Variants in ATXN1L observed in about 807,000 individuals in gnomAD.
ATXN1L encodes the protein ataxin-1-like.
A neutral mutation model predicts 43.4 loss-of-function variants in ATXN1L; 8 were observed. The ratio of observed to expected loss-of-function variants is 0.18; its 90% CI spans 0.11 to 0.33. The LOEUF is 0.33. Ranked by LOEUF, ATXN1L falls within the 10% of genes least tolerant of loss-of-function variation. The pLI is 1.00. For missense variants in ATXN1L, 856 were observed against 885.4 expected, an observed-to-expected ratio of 0.97 and a Z score of 0.42; for synonymous variants, 379 against 360.6, an observed-to-expected ratio of 1.05 and a Z score of -0.58.
At position 71,855,148 on chromosome 16, in the gene ATXN1L, T is replaced by C. The variant is rs1271403339; in HGVS notation, c.*3338T>C. 6.0e-6 allele frequency: 1 copy of C among 167,186 alleles called. No individual in the cohort carries two copies. Among genetic ancestry groups the C allele is most frequent in the Non-Finnish European group, 1.5e-5 (1 of 68,162 alleles). The allele number at this position is 167,186 out of a possible 1,614,324, so 10.4% of individuals were successfully genotyped here. ...AGATTAAGTGTAGGCGTCCGGTTCA[T>C]TCTTACCTGTGTTAGGCCATGTTAT... is the stretch of plus-strand genomic sequence containing the variant. On this transcript the variant is annotated 3_prime_UTR_variant, in exon 3 of 3. Coordinates refer to ENST00000427980, the MANE Select transcript of ATXN1L (RefSeq NM_001137675.4).
In ATXN1L at chr16:71,852,441, C is replaced by G. The variant is rs531284174; in HGVS notation, c.*631C>G. 1 of 167,380 alleles carries G rather than the reference C, an allele frequency of 6.0e-6. No homozygotes were observed. Among genetic ancestry groups the G allele is most frequent in the South Asian group, 2.1e-4 (1 of 4,834 alleles). 10.4% of individuals were successfully genotyped at this position (167,380 alleles called of 1,614,324 possible). A position where few individuals can be genotyped will look rare whatever the true frequency, so the allele number is the denominator to read the frequency against. ...CATAGCCCTTCCCCATCTCTCCTCA[C>G]CATTCTGCCTACAAGGCTTCTAGCA... On this transcript the variant is annotated 3_prime_UTR_variant, in exon 3 of 3. Coordinates refer to ENST00000427980, the MANE Select transcript of ATXN1L (RefSeq NM_001137675.4).
rs1316174659 is a variant in ATXN1L, at chr16:71,853,122, C to T, written c.*1312C>T. The T allele has an allele frequency of 1.2e-5, 2 of 167,196 alleles. No homozygotes were observed. The highest frequency in any genetic ancestry group is 4.8e-5 in the African/African-American group (2 of 41,454). 10.4% of individuals were successfully genotyped at this position (167,196 alleles called of 1,614,324 possible). The stretch of plus-strand genomic sequence containing the variant: ...TCCCAGCATTCTGGTGCCTCCAAGC[C>T]ATCCCCTCCCACCACCAGCTCTAAG... On this transcript the variant is annotated 3_prime_UTR_variant, in exon 3 of 3. Coordinates refer to ENST00000427980, the MANE Select transcript of ATXN1L (RefSeq NM_001137675.4).
Position 71,854,388 on chromosome 16 carries a change from C to T in ATXN1L, c.*2578C>T, listed in dbSNP as rs1180196946. On this transcript the variant is annotated 3_prime_UTR_variant, in exon 3 of 3. Transcript: ENST00000427980. Reference sequence around the variant, plus strand: ...GCTGTCTCTTGCTGGTGAAGCAATACCAGCAGTTCCTGTAATACCACAATA... The same window carrying T: ...GCTGTCTCTTGCTGGTGAAGCAATATCAGCAGTTCCTGTAATACCACAATA... 6.0e-6 allele frequency: 1 copy of T among 167,040 alleles called. No individual in the cohort carries two copies. The highest frequency in any genetic ancestry group is 1.5e-5 in the Non-Finnish European group (1 of 68,114). 10.3% of individuals were successfully genotyped at this position (167,040 alleles called of 1,614,324 possible).
Position 71,853,249 on chromosome 16 carries a change from AC to A in ATXN1L, c.*1446del, listed in dbSNP as rs771262065. On this transcript the variant is annotated 3_prime_UTR_variant, in exon 3 of 3. Transcript: ENST00000427980. ...TATTTTCAATCTTGGTTGCATTGGC[AC>A]CCCCCCTACCCCCCACCAATGTCTT... 7.2e-5 allele frequency: 12 copies of A among 166,346 alleles called. No individual in the cohort carries two copies. The highest frequency in any genetic ancestry group is 9.7e-5 in the African/African-American group (4 of 41,062). 10.3% of individuals were successfully genotyped at this position (166,346 alleles called of 1,614,324 possible).
At position 71,849,215 on chromosome 16, in the gene ATXN1L, T is replaced by TAAAAAA. The variant is rs377525889; in HGVS notation, c.-117-409_-117-408insAAAAAA. Among the ~76,000 whole-genome samples the TAAAAAA allele has an allele frequency of 5.3e-4, 46 of 86,038 alleles. 5 individuals are homozygous for TAAAAAA. The highest frequency in any genetic ancestry group is 1.1e-3 in the African/African-American group (25 of 22,996). 56.4% of individuals were successfully genotyped at this position (86,038 alleles called of 152,430 possible). On this transcript the variant is annotated intron_variant, in intron 2 of 2. Coordinates refer to ENST00000427980, the MANE Select transcript of ATXN1L (RefSeq NM_001137675.4). ...CAACAAGAGCAAAACTCCATGTGTT[T>TAAAAAA]TAAAAAAAAAAAAAAAAAAAAAAAA...
Position 71,851,595 on chromosome 16 carries a change from T to C in ATXN1L, c.1855T>C (p.Cys619Arg), listed in dbSNP as rs1227047358. ...GACGGTCTTGGGATCCAGAGAGCTA[T>C]GTGACAGTGAGGGGAAGAGCCAGCC... ...ERTVLGSREL[C>R]DSEGKSQPAG... The change falls in exon 3 of 3, where the codon TGT (cysteine) becomes CGT (arginine). Residue 619 changes from cysteine to arginine, a missense_variant. Transcript: ENST00000427980. The surrounding 1 kb of genome is among the most constrained non-coding windows in gnomAD (Gnocchi z 4.9). 3.9e-6 allele frequency: 6 copies of C among 1,546,142 alleles called. No individual in the cohort carries two copies. The highest frequency in any genetic ancestry group is 5.2e-6 in the Non-Finnish European group (6 of 1,143,770).
Position 71,851,592 on chromosome 16 carries a change from C to A in ATXN1L, c.1852C>A (p.Leu618Ile), listed in dbSNP as rs1359629987. ...PERTVLGSRE[L>I]CDSEGKSQPA... ...GAGGACGGTCTTGGGATCCAGAGAG[C>A]TATGTGACAGTGAGGGGAAGAGCCA... Residue 618 changes from leucine (L) to isoleucine (I), a missense_variant, in exon 3 of 3, where the codon CTA becomes ATA. Physicochemically the swap from Leu to Ile is conservative, Grantham distance 5. Coordinates refer to ENST00000427980, the MANE Select transcript of ATXN1L (RefSeq NM_001137675.4). The surrounding 1 kb of genome is among the most constrained non-coding windows in gnomAD (Gnocchi z 4.9). 6.5e-7 allele frequency: 1 copy of A among 1,548,730 alleles called. No homozygotes were observed.
chr16:71,855,299 G>C lies in ATXN1L; in HGVS notation c.*3489G>C, dbSNP rs577796257. On this transcript the variant is annotated 3_prime_UTR_variant, in exon 3 of 3. Transcript: ENST00000427980. ...CTCCAAATGTCTGACTATCTTGAGG[G>C]AGAAACAAGCAGGTTTCTACTAGTG... The C allele has an allele frequency of 6.0e-6, 1 of 167,110 alleles. No homozygotes were observed. The highest frequency in any genetic ancestry group is 2.4e-5 in the African/African-American group (1 of 41,466). The allele number at this position is 167,110 out of a possible 1,614,324, so 10.4% of individuals were successfully genotyped here. A position where few individuals can be genotyped will look rare whatever the true frequency, so the allele number is the denominator to read the frequency against.
At position 71,855,588 on chromosome 16, in the gene ATXN1L, C is replaced by A; in HGVS notation, c.*3778C>A. The A allele has an allele frequency of 6.0e-6, 1 of 167,204 alleles. No homozygotes were observed. The highest frequency in any genetic ancestry group is 1.5e-5 in the Non-Finnish European group (1 of 68,136). 10.4% of individuals were successfully genotyped at this position (167,204 alleles called of 1,614,324 possible). A position where few individuals can be genotyped will look rare whatever the true frequency, so the allele number is the denominator to read the frequency against. Reference sequence around the variant, plus strand: ...ATGGTGGTGTGGTTTAAACCTGCAGCAAGCAGGCATGTTGAAGAGTTGAGT... The same window carrying A: ...ATGGTGGTGTGGTTTAAACCTGCAGAAAGCAGGCATGTTGAAGAGTTGAGT... On this transcript the variant is annotated 3_prime_UTR_variant, in exon 3 of 3. Coordinates refer to ENST00000427980, the MANE Select transcript of ATXN1L (RefSeq NM_001137675.4).
chr16:71,850,188 G>T lies in ATXN1L; in HGVS notation c.448G>T (p.Val150Leu). Residue 150 changes from valine to leucine, a missense_variant, in exon 3 of 3, where the codon GTG becomes TTG. Val to Leu is a conservative substitution (Grantham distance 32, BLOSUM62 1). This residue lies in a region of ATXN1L where 490 missense variants were observed against 449.4 expected (regional missense o/e 1.09). Transcript: ENST00000427980. ...IGSPYSLPYA[V>L]PPNFLPSPLL... ...GTCTCCTTATAGCCTTCCCTATGCT[G>T]TGCCACCTAATTTCCTACCGAGTCC... 6.4e-7 allele frequency: 1 copy of T among 1,551,646 alleles called. No homozygotes were observed.
In ATXN1L at chr16:71,852,846, T is replaced by C. The variant is rs962928875; in HGVS notation, c.*1036T>C. 7 of 167,256 alleles carry C rather than the reference T, an allele frequency of 4.2e-5. No homozygotes were observed. The highest frequency in any genetic ancestry group is 1.7e-4 in the African/African-American group (7 of 41,456). The allele number at this position is 167,256 out of a possible 1,614,324, so 10.4% of individuals were successfully genotyped here. On this transcript the variant is annotated 3_prime_UTR_variant, in exon 3 of 3. Transcript: ENST00000427980. ...GCACTGCCTTTCCTTGTCTGCAAAG[T>C]TGGTTTTGTCCACTCTGACCAAGAC... is the stretch of plus-strand genomic sequence containing the variant.
Position 71,852,964 on chromosome 16 carries a change from C to G in ATXN1L, c.*1154C>G, listed in dbSNP as rs2033519311. The stretch of plus-strand genomic sequence containing the variant: ...CTCAAAATCATGTCCCCTCCACTTC[C>G]ACTGCCAAACAGCTTGGTGAAGAAA... On this transcript the variant is annotated 3_prime_UTR_variant, in exon 3 of 3. Coordinates refer to ENST00000427980, the MANE Select transcript of ATXN1L (RefSeq NM_001137675.4). The G allele has an allele frequency of 6.0e-6, 1 of 167,132 alleles. No individual in the cohort carries two copies. Among genetic ancestry groups the G allele is most frequent in the African/African-American group, 2.4e-5 (1 of 41,442 alleles). 10.4% of individuals were successfully genotyped at this position (167,132 alleles called of 1,614,324 possible).
Position 71,852,169 on chromosome 16 carries a change from G to C in ATXN1L, c.*359G>C, listed in dbSNP as rs2033511127. The C allele has an allele frequency of 5.0e-6, 1 of 201,002 alleles. No homozygotes were observed. The highest frequency in any genetic ancestry group is 1.1e-5 in the Non-Finnish European group (1 of 91,270). 12.5% of individuals were successfully genotyped at this position (201,002 alleles called of 1,614,324 possible). On this transcript the variant is annotated 3_prime_UTR_variant, in exon 3 of 3. Transcript: ENST00000427980. ...GCTTTGGGAGCAGATGGCAGAGGGA[G>C]GGAGTAAAGAAAGAGCCAAAAATGA...
chr16:71,849,941 A>G lies in ATXN1L; in HGVS notation c.201A>G (p.Gly67=). The G allele has an allele frequency of 6.4e-7, 1 of 1,551,284 alleles. No individual in the cohort carries two copies. The highest frequency in any genetic ancestry group is 8.7e-7 in the Non-Finnish European group (1 of 1,146,748). Residue 67 remains glycine, a synonymous_variant, in exon 3 of 3, where the codon GGA becomes GGG. Transcript: ENST00000427980. ...AGARVSLGGD[G]AEAITGLTVD... is the part of the protein sequence containing the mutation. ...CCAGAGTCAGCCTGGGGGGTGATGG[A>G]GCTGAGGCCATCACCGGTCTGACAG...
rs2033556338 is a variant in ATXN1L at position 71,856,835 on chromosome 16, G to C, written c.*5025G>C. 1 of 167,148 alleles carries C rather than the reference G, an allele frequency of 6.0e-6. No homozygotes were observed. Among genetic ancestry groups the C allele is most frequent in the Non-Finnish European group, 1.5e-5 (1 of 68,180 alleles). 10.4% of individuals were successfully genotyped at this position (167,148 alleles called of 1,614,324 possible). ...GAATGTTGTCATCCAGGTGGCTTTA[G>C]GGTCCTAAGGAGTGGAGAAGGATGG... On this transcript the variant is annotated 3_prime_UTR_variant, in exon 3 of 3. Transcript: ENST00000427980.
Position 71,851,951 on chromosome 16 carries a change from G to A in ATXN1L, c.*141G>A. 1.0e-6 allele frequency: 1 copy of A among 970,308 alleles called. No individual in the cohort carries two copies. The highest frequency in any genetic ancestry group is 1.4e-6 in the Non-Finnish European group (1 of 704,950). The allele number at this position is 970,308 out of a possible 1,614,324, so 60.1% of individuals were successfully genotyped here. ...GGGGGAAAGGGGAGGCATGAAGTCA[G>A]CCTCCCAAGGCAGGATCTGTTGTTC... On this transcript the variant is annotated 3_prime_UTR_variant, in exon 3 of 3. Coordinates refer to ENST00000427980, the MANE Select transcript of ATXN1L (RefSeq NM_001137675.4). This position sits in a 1 kb window ranked among gnomAD's most constrained non-coding sequence, Gnocchi z 4.9.
chr16:71,850,849 C>G lies in ATXN1L; in HGVS notation c.1109C>G (p.Pro370Arg), dbSNP rs1201314276. 7 of 1,551,728 alleles carry G rather than the reference C, an allele frequency of 4.5e-6. No homozygotes were observed. The highest frequency in any genetic ancestry group is 5.2e-6 in the Non-Finnish European group (6 of 1,147,004). The stretch of plus-strand genomic sequence containing the variant: ...CCCCTCAACCTATCCCATCATACCC[C>G]CGACCATCAGGGTGAGGGGCGAGGG... Reference protein sequence around the residue: ...PSPLNLSHHTPDHQGEGRGSA... With the variant: ...PSPLNLSHHTRDHQGEGRGSA... The change falls in exon 3 of 3, where the codon CCC becomes CGC. Residue 370 changes from proline (P) to arginine (R), a missense_variant. Transcript: ENST00000427980.
Position 71,850,939 on chromosome 16 carries a change from A to T in ATXN1L, c.1199A>T (p.His400Leu), listed in dbSNP as rs1220261677. 1.3e-6 allele frequency: 2 copies of T among 1,551,704 alleles called. No homozygotes were observed. Among genetic ancestry groups the T allele is most frequent in the Non-Finnish European group, 1.7e-6 (2 of 1,146,980 alleles). The change falls in exon 3 of 3, where the codon CAT (histidine) becomes CTT (leucine). Residue 400 changes from histidine (H) to leucine (L), a missense_variant. Physicochemically the swap from His to Leu is moderately conservative, Grantham distance 99. Transcript: ENST00000427980. ...SQARGFYPQSHQEPVKHRPLP... is the reference protein window; with the variant it reads ...SQARGFYPQSLQEPVKHRPLP... The stretch of plus-strand genomic sequence containing the variant: ...GCCCGTGGGTTCTACCCTCAGTCCC[A>T]TCAGGAACCAGTAAAACATAGACCT...
rs1045935881 is a variant in ATXN1L at position 71,850,665 on chromosome 16, G to A, written c.925G>A (p.Gly309Arg). 1.9e-6 allele frequency: 3 copies of A among 1,551,712 alleles called. No homozygotes were observed. Among genetic ancestry groups the A allele is most frequent in the South Asian group, 1.2e-5 (1 of 84,062 alleles). ...GCCAGTGGTAGAATGTGTGGTGGAT[G>A]GACAGTTGTTTTCAGGTTCTCAGAC... ...LVPVVECVVD[G>R]QLFSGSQTPR... Residue 309 changes from glycine (G) to arginine (R), a missense_variant, in exon 3 of 3, where the codon GGA (glycine) becomes AGA (arginine). Gly to Arg is a moderately radical substitution (Grantham distance 125, BLOSUM62 -2). Transcript: ENST00000427980.
Sources: gnomAD v4.1 joint callset for allele counts (sites outside exome capture counted in the v4.1 genomes callset) on GRCh38, gnomAD v4.1.1 for gene constraint, gnomAD v4.1.1 regional missense constraint, Gnocchi (gnomAD v3.1) non-coding constraint, MANE v1.5 for transcripts, NCBI Gene and HGNC (gene_info 2026-07-23, HGNC 2026-07-21) for gene names.